Variants in XKRX observed in about 807,000 individuals in gnomAD.
XKRX encodes XK related X-linked.
Under a neutral mutation model 22.4 loss-of-function variants are expected in XKRX, and 11 were observed. The ratio of observed to expected loss-of-function variants is 0.49; its 90% CI spans 0.31 to 0.81. The LOEUF (loss-of-function observed/expected upper bound fraction) is 0.81. Ranked by LOEUF, XKRX falls within the 40% of genes least tolerant of loss-of-function variation. XKRX has a pLI of 0.05. For synonymous variants in XKRX, 114 were observed against 132.2 expected, an observed-to-expected ratio of 0.86 and a Z score of 0.94; for missense variants, 320 against 336.5, an observed-to-expected ratio of 0.95 and a Z score of 0.38.
chrX:100,940,481 C>G, the XKRX span, among the ~76,000 whole-genome samples: 1 of 111,743 alleles, frequency 8.9e-6, no homozygotes, highest in African/African-American at 3.3e-5. Context: ...AAGTTCATAT[C>G]TGAACTACTT....
chrX:100,941,934 G>A, the XKRX span, among the ~76,000 whole-genome samples: 2 of 108,209 alleles, frequency 1.8e-5, no homozygotes, highest in African/African-American at 6.8e-5. Context: ...TGCGACCTCC[G>A]CCTCCTGGGT....
At chrX:100,945,756 G>A in the XKRX span, among the ~76,000 whole-genome samples, 12 of 93,690 alleles carry the variant, frequency 1.3e-4, no homozygotes, top group Non-Finnish European at 2.1e-4. Flanking sequence ...GCAGTGAGCC[G>A]AGATCGTGCC....
rs1556194341 is a variant in XKRX at position 100,917,718 on chromosome X, G to GAAAGAAAGAA, written c.605-2636_605-2635insTTCTTTCTTT. Among the ~76,000 whole-genome samples the GAAAGAAAGAA allele has an allele frequency of 3.6e-3, 307 of 85,727 alleles. 10 individuals are homozygous for GAAAGAAAGAA. The highest frequency in any genetic ancestry group is 0.011 in the African/African-American group (294 of 26,934). 74.4% of individuals were successfully genotyped at this position (85,727 alleles called of 115,157 possible). ...AGAAAGAAAGAAAGAAAGAAAGAAA[G>GAAAGAAAGAA]AAAGAAATCCTTGGTTCAGCTGTAT... On this transcript the variant is annotated intron_variant, in intron 2 of 2. Transcript: ENST00000372956.
At chrX:100,891,799 G>GAAAGAAAGAAAGAAAGAA in the XKRX span, among the ~76,000 whole-genome samples, 1 of 93,617 alleles carries the variant, frequency 1.1e-5, no homozygotes, top group African/African-American at 4.1e-5. Context: ...AAGAAAGAAA[G>GAAAGAAAGAAAGAAAGAA]TAAGTTAAAA....
At position 100,915,102 on chromosome X, in the gene XKRX, AAAAC is replaced by A; in HGVS notation, c.605-23_605-20del. 1 of 1,197,178 alleles carries A rather than the reference AAAAC, an allele frequency of 8.4e-7. No individual in the cohort carries two copies. Among genetic ancestry groups the A allele is most frequent in the Admixed American group, 2.2e-5 (1 of 44,682 alleles). Reference sequence around the variant, plus strand: ...AGCACAACTGTTAAAAACAAAAACAAAAACAAAAACAGGCAATCAGTCAATGTTG... The same window carrying A: ...AGCACAACTGTTAAAAACAAAAACAAAAAAACAGGCAATCAGTCAATGTTG... On this transcript the variant is annotated intron_variant, in intron 2 of 2. Transcript: ENST00000372956.
At chrX:100,907,696 CTA>C in the XKRX span, among the ~76,000 whole-genome samples, 1 of 112,077 alleles carries the variant, frequency 8.9e-6, no homozygotes, top group Non-Finnish European at 1.9e-5. Context: ...GTAATTGTGA[CTA>C]TGTTTCCATA....
At chrX:100,907,935 T>C in the XKRX span, among the ~76,000 whole-genome samples, 4 of 111,981 alleles carry the variant, frequency 3.6e-5, no homozygotes, top group African/African-American at 1.3e-4. Flanking sequence ...ATAGGTTTTC[T>C]TGGCAAAAAA....
chrX:100,917,670 AAAGAAAAGAAAGAAAGAAAG>A (rs2085447815), intron 2 of XKRX, among the ~76,000 whole-genome samples: 1 of 40,601 alleles, frequency 2.5e-5, no homozygotes, highest in African/African-American at 1.1e-4. Flanking sequence ...AGAAAGAAAG[AAAGAAAAGAAAGAAAGAAAG>A]AAAGAAAGAA....
In XKRX at chrX:100,914,250, A is replaced by G. The variant is rs1239628121; in HGVS notation, c.*88T>C. The G allele has an allele frequency of 3.0e-6, 3 of 1,016,763 alleles. No individual in the cohort carries two copies. The highest frequency in any genetic ancestry group is 4.0e-6 in the Non-Finnish European group (3 of 748,260). The allele number at this position is 1,016,763 out of a possible 1,213,427, so 83.8% of individuals were successfully genotyped here. A position where few individuals can be genotyped will look rare whatever the true frequency, so the allele number is the denominator to read the frequency against. ...AAGTCAAGAAAATGTACTGATGGGT[A>G]TCTCACCCATGAACCTCATCCTTTC... On this transcript the variant is annotated 3_prime_UTR_variant, in exon 3 of 3. Transcript: ENST00000372956.
intron 2 of XKRX, among the ~76,000 whole-genome samples, chrX:100,920,330 C>G (rs772670472): frequency 6.3e-5 from 7 of 110,784 alleles, no homozygotes; most frequent in African/African-American, 2.3e-4. Context: ...GCATACTGTA[C>G]TTTTGAAAAA....
the XKRX span, among the ~76,000 whole-genome samples, chrX:100,902,140 C>T: frequency 9.0e-6 from 1 of 111,046 alleles, no homozygotes; most frequent in African/African-American, 3.3e-5. Flanking sequence ...TGAAAAGTTC[C>T]CAGATATTTG....
the XKRX span, among the ~76,000 whole-genome samples, chrX:100,897,687 C>A: frequency 5.8e-4 from 25 of 43,057 alleles, no homozygotes; most frequent in Admixed American, 5.9e-3. Flanking sequence ...GACAACTCAA[C>A]AGCAAAAAAA....
At chrX:100,957,086 C>T in the XKRX span, 1 of 1,157,224 alleles carries the variant, frequency 8.6e-7, no homozygotes, top group East Asian at 3.0e-5. Flanking sequence ...AGGTGTTTTA[C>T]CCTGTGGTGT....
At chrX:100,887,534 C>T in the XKRX span, 467 of 471,775 alleles carry the variant, frequency 9.9e-4, 6 homozygotes, top group South Asian at 0.012. Context: ...GCAGCTAGGC[C>T]CTGTCACCAC....
chrX:100,917,634 GA>G (rs1556193289), intron 2 of XKRX, among the ~76,000 whole-genome samples: 1 of 49,034 alleles, frequency 2.0e-5, no homozygotes, highest in Non-Finnish European at 3.4e-5. Context: ...GAGAAAGAAA[GA>G]AGAAAGAAAG....
chrX:100,921,991 GC>G (rs1482701739), intron 2 of XKRX, among the ~76,000 whole-genome samples: 1 of 108,138 alleles, frequency 9.2e-6, no homozygotes, highest in Non-Finnish European at 1.9e-5. Flanking sequence ...CTGCCACCAC[GC>G]CCGGCTAATT....
At chrX:100,950,681 C>G in the XKRX span, among the ~76,000 whole-genome samples, 1 of 111,961 alleles carries the variant, frequency 8.9e-6, no homozygotes. Context: ...GTTAAAAGAA[C>G]TAAAGCCATA....
At chrX:100,909,432 G>T (rs754436589), downstream of XKRX, among the ~76,000 whole-genome samples, 1 of 112,174 alleles carries the variant, frequency 8.9e-6, no homozygotes, top group Non-Finnish European at 1.9e-5. Flanking sequence ...GGACTTAGAG[G>T]CTTGTACCAT....
chrX:100,889,979 G>A, the XKRX span, among the ~76,000 whole-genome samples: 1 of 111,921 alleles, frequency 8.9e-6, no homozygotes, highest in Non-Finnish European at 1.9e-5. Flanking sequence ...ACTCCAGCTT[G>A]GGCGACAGAG....
Sources: allele counts gnomAD v4.1 joint callset (sites outside exome capture counted in the v4.1 genomes callset), GRCh38; gene constraint gnomAD v4.1.1; transcripts MANE v1.5; gene names NCBI Gene and HGNC (gene_info 2026-07-23, HGNC 2026-07-21).